NEK1: variants seen among roughly 807,000 people sequenced by gnomAD.
NEK1 encodes the protein serine/threonine-protein kinase Nek1.
NEK1 carries 137 observed loss-of-function variants against 182.1 expected under a neutral mutation model. The ratio of observed to expected loss-of-function variants is 0.75; its 90% CI spans 0.65 to 0.87. The LOEUF (loss-of-function observed/expected upper bound fraction) is 0.87. Ranked by LOEUF, NEK1 falls within the 40% of genes least tolerant of loss-of-function variation. NEK1 has a pLI of 0.00. For synonymous variants in NEK1, 513 were observed against 492.2 expected (o/e 1.04, Z -0.56); for missense variants, 1,391 against 1,494.4 (o/e 0.93, Z 1.14).
At chr4:169,462,552 T>G (rs1405766618) in intron 27 of NEK1, among the ~76,000 whole-genome samples, 1 of 152,076 alleles carries the variant, frequency 6.6e-6, no homozygotes. Flanking sequence ...CCTAGGTTAT[T>G]TTTCCACCAG....
intron 23 of NEK1, among the ~76,000 whole-genome samples, chr4:169,497,104 G>C (rs1412724862): frequency 6.6e-6 from 1 of 152,122 alleles, no homozygotes; most frequent in Admixed American, 6.5e-5. Flanking sequence ...TCTATTCAGG[G>C]ATTCAACTTC....
chr4:169,482,633 T>C (rs1033533233), intron 23 of NEK1, among the ~76,000 whole-genome samples: 2 of 150,278 alleles, frequency 1.3e-5, no homozygotes, highest in Non-Finnish European at 3.0e-5. Flanking sequence ...TTCACTGGAG[T>C]AGAACTTTTT....
intron 19 of NEK1, 124 bp from the exon 20 acceptor site, chr4:169,508,976 T>A: frequency 1.4e-6 from 1 of 699,312 alleles, no homozygotes. Context: ...GATGATAAAC[T>A]GTGATAACAA....
chr4:169,609,142 T>C (rs919541511), intron 2 of NEK1, among the ~76,000 whole-genome samples: 5 of 151,906 alleles, frequency 3.3e-5, no homozygotes, highest in African/African-American at 9.7e-5. Flanking sequence ...TTAACCACAA[T>C]TTTTTTAAAA....
chr4:169,587,585 A>G lies in NEK1; in HGVS notation c.580T>C (p.Tyr194His). 1 of 1,551,032 alleles carries G rather than the reference A, an allele frequency of 6.4e-7. No homozygotes were observed. Among genetic ancestry groups the G allele is most frequent in the Non-Finnish European group, 8.7e-7 (1 of 1,144,662 alleles). ...GCATGTTTAAGTGTACACAGCTCAT[A>G]AAGGACACACCCCAGAGCCCAAATG... ...SDIWALGCVLYELCTLKHAFE... is the reference protein window; with the variant it reads ...SDIWALGCVLHELCTLKHAFE... Residue 194 changes from tyrosine (Y) to histidine (H), a missense_variant, in exon 9 of 36, where the codon TAT becomes CAT. This residue lies in a region of NEK1 where 1,216 missense variants were observed against 1,277.6 expected (regional missense o/e 0.95). Transcript: ENST00000507142.
intron 2 of NEK1, among the ~76,000 whole-genome samples, chr4:169,604,905 G>A (rs1473307643): frequency 6.6e-6 from 1 of 152,096 alleles, no homozygotes; most frequent in Non-Finnish European, 1.5e-5. Flanking sequence ...AAGAAAAGTT[G>A]TTCCAAATAT....
At chr4:169,470,999 G>C (rs1450954305) in intron 26 of NEK1, among the ~76,000 whole-genome samples, 1 of 152,110 alleles carries the variant, frequency 6.6e-6, no homozygotes, top group African/African-American at 2.4e-5. Flanking sequence ...TCTCATAACT[G>C]GTTATTCTAG....
At chr4:169,425,150 CTAAG>C (rs1736153901) in intron 30 of NEK1, among the ~76,000 whole-genome samples, 1 of 148,876 alleles carries the variant, frequency 6.7e-6, no homozygotes, top group Non-Finnish European at 1.5e-5. Context: ...GCCTGAGCAA[CTAAG>C]TGAGACTCTC....
At chr4:169,406,835 T>C (rs1381160338) in intron 31 of NEK1, 88 bp from the exon 32 acceptor site, 15 of 1,096,404 alleles carry the variant, frequency 1.4e-5, no homozygotes, top group Non-Finnish European at 1.8e-5. Flanking sequence ...CACAATTTTG[T>C]TACATATGTG....
At position 169,510,507 on chromosome 4, in the gene NEK1, T is replaced by A. The variant is rs531538001; in HGVS notation, c.1666-1655A>T. Among the ~76,000 whole-genome samples the A allele has an allele frequency of 9.9e-4, 151 of 152,294 alleles. 1 individual carries two copies. Among genetic ancestry groups the A allele is most frequent in the African/African-American group, 3.5e-3 (147 of 41,574 alleles). On this transcript the variant is annotated intron_variant, in intron 19 of 35. Transcript: ENST00000507142. Reference sequence around the variant, plus strand: ...TAATTGATCATTTCAGTTTCTGCCTTAGCTCAGCCTCTCTTCTTTTGACTC... The same window carrying A: ...TAATTGATCATTTCAGTTTCTGCCTAAGCTCAGCCTCTCTTCTTTTGACTC...
At chr4:169,575,212 A>C (rs1765506520) in intron 12 of NEK1, among the ~76,000 whole-genome samples, 1 of 152,214 alleles carries the variant, frequency 6.6e-6, no homozygotes, top group African/African-American at 2.4e-5. Flanking sequence ...CATCTTTTTA[A>C]AGATAGATAA....
intron 27 of NEK1, 139 bp from the exon 28 acceptor site, chr4:169,438,398 TTAA>T (rs1738822266): frequency 1.7e-6 from 1 of 601,854 alleles, no homozygotes; most frequent in Non-Finnish European, 2.8e-6. Flanking sequence ...ATATTAGAAG[TTAA>T]TAAGTGACTA....
At chr4:169,594,074 AATACT>A (rs2150108906) in intron 5 of NEK1, among the ~76,000 whole-genome samples, 1 of 152,296 alleles carries the variant, frequency 6.6e-6, no homozygotes, top group South Asian at 2.1e-4. Context: ...ATATTTACAA[AATACT>A]GTTTCGAAAA....
chr4:169,470,328 A>C (rs989494066), intron 26 of NEK1, among the ~76,000 whole-genome samples: 2 of 152,218 alleles, frequency 1.3e-5, no homozygotes, highest in South Asian at 4.1e-4. Context: ...GCCTGGTGGT[A>C]ACAAAATCCC....
chr4:169,513,326 A>AT (rs1303136639), intron 19 of NEK1, among the ~76,000 whole-genome samples: 1 of 152,032 alleles, frequency 6.6e-6, no homozygotes, highest in Non-Finnish European at 1.5e-5. Flanking sequence ...TCTTTTTCAC[A>AT]TTCTTTGGAA....
chr4:169,530,318 T>G (rs564631057), intron 19 of NEK1, among the ~76,000 whole-genome samples: 4 of 152,248 alleles, frequency 2.6e-5, no homozygotes, highest in South Asian at 2.1e-4. Context: ...GTTTGACTTA[T>G]GCTTTTTCAA....
rs1396310715 is a variant in NEK1, at chr4:169,507,113, G to T, written c.1931C>A (p.Ala644Asp). The change falls in exon 23 of 36, where the codon GCT (alanine) becomes GAT (aspartate). Residue 644 changes from alanine (A) to aspartate (D), a missense_variant. Transcript: ENST00000507142. ...ESLKAHANAR[A>D]AVLKEQLERK... Reference sequence around the variant, plus strand: ...TTCTAGTTGTTCTTTTAGTACAGCAGCACGTGCATTTGCATGGGCCTAAAA... The same window carrying T: ...TTCTAGTTGTTCTTTTAGTACAGCATCACGTGCATTTGCATGGGCCTAAAA... 6.2e-7 allele frequency: 1 copy of T among 1,600,446 alleles called. No homozygotes were observed. The highest frequency in any genetic ancestry group is 8.5e-7 in the Non-Finnish European group (1 of 1,174,284).
chr4:169,499,451 G>A (rs1050948872), intron 23 of NEK1, among the ~76,000 whole-genome samples: 1 of 152,206 alleles, frequency 6.6e-6, no homozygotes, highest in Non-Finnish European at 1.5e-5. Flanking sequence ...GTGAGGAGCT[G>A]CATTCCTTTG....
intron 18 of NEK1, among the ~76,000 whole-genome samples, chr4:169,540,723 G>C (rs577392974): frequency 6.6e-6 from 1 of 152,028 alleles, no homozygotes; most frequent in Non-Finnish European, 1.5e-5. Flanking sequence ...TGCAAATATA[G>C]TAAGAAATTA....
Sources: allele counts gnomAD v4.1 joint callset (sites outside exome capture counted in the v4.1 genomes callset), GRCh38; gene constraint gnomAD v4.1.1; regional missense constraint gnomAD v4.1.1; transcripts MANE v1.5; gene names NCBI Gene and HGNC (gene_info 2026-07-23, HGNC 2026-07-21).